Variants in THSD7B observed in about 807,000 individuals in gnomAD.
The protein encoded by THSD7B is thrombospondin type 1 domain containing 7B.
THSD7B carries 138 observed loss-of-function variants against 213.6 expected under a neutral mutation model. The observed-to-expected ratio is 0.65, with a 90% confidence interval of 0.56 to 0.74. The LOEUF is 0.74. Among genes scored for constraint, THSD7B ranks in the 30% least tolerant of loss-of-function variants. The pLI is 0.00. For missense variants in THSD7B, 1,931 were observed against 1,991.5 expected, an observed-to-expected ratio of 0.97 and a Z score of 0.58; for synonymous variants, 742 against 687.0, an observed-to-expected ratio of 1.08 and a Z score of -1.25.
intron 7 of THSD7B, among the ~76,000 whole-genome samples, chr2:137,181,820 A>G (rs11892798): frequency 0.069 from 10,571 of 152,252 alleles, 394 homozygotes; most frequent in African/African-American, 0.094. Context: ...CCCATAAGGC[A>G]TGGTGATATT....
rs1203994239 is a variant in THSD7B, at chr2:136,889,653, G to A, written c.139+7336G>A. 2.6e-5 allele frequency among the ~76,000 whole-genome samples: 4 copies of A among 152,144 alleles called. No individual in the cohort carries two copies. The East Asian group carries it at 5.8e-4, about 22-fold the overall frequency. On this transcript the variant is annotated intron_variant, in intron 2 of 27. Transcript: ENST00000409968. ...CTTGGTTTTCTTTGAACCTACTGCTGCTTTTCCCCAAGGCTCCATCTGATA... is the reference window on the plus strand; with the variant it reads ...CTTGGTTTTCTTTGAACCTACTGCTACTTTTCCCCAAGGCTCCATCTGATA...
intron 14 of THSD7B, among the ~76,000 whole-genome samples, chr2:137,449,097 T>TC (rs1364013859): frequency 7.9e-5 from 12 of 151,668 alleles, no homozygotes; most frequent in Non-Finnish European, 1.8e-4. Flanking sequence ...TGATCTTTTT[T>TC]CCCCCCCTCA....
At chr2:137,228,040 T>C (rs1208139453) in intron 7 of THSD7B, among the ~76,000 whole-genome samples, 1 of 152,172 alleles carries the variant, frequency 6.6e-6, no homozygotes, top group Non-Finnish European at 1.5e-5. Flanking sequence ...TTCAAAAATG[T>C]TAAGTGATGT....
chr2:136,945,374 C>T (rs1365920278), intron 2 of THSD7B, among the ~76,000 whole-genome samples: 2 of 152,212 alleles, frequency 1.3e-5, no homozygotes, highest in East Asian at 1.9e-4. Context: ...TGTAGGTAAC[C>T]CCACCTTTCT....
intron 16 of THSD7B, among the ~76,000 whole-genome samples, chr2:137,572,162 A>G (rs1681367036): frequency 6.6e-6 from 1 of 152,198 alleles, no homozygotes; most frequent in Admixed American, 6.5e-5. Context: ...CTTTAGTCCA[A>G]GGTCAACCAT....
chr2:137,644,612 T>C (rs1440657691), intron 21 of THSD7B, among the ~76,000 whole-genome samples: 6 of 152,246 alleles, frequency 3.9e-5, no homozygotes, highest in Admixed American at 2.6e-4. Flanking sequence ...GGTAACACCA[T>C]ATCTTCTTTA....
rs544118076 is a variant in THSD7B, at chr2:137,128,573, C to T, written c.1369+13280C>T. Among the ~76,000 whole-genome samples the T allele has an allele frequency of 7.9e-4, 120 of 152,198 alleles. 1 individual carries two copies. Among genetic ancestry groups the T allele is most frequent in the African/African-American group, 2.9e-3 (120 of 41,518 alleles). On this transcript the variant is annotated intron_variant, in intron 5 of 27. Coordinates refer to ENST00000409968, the MANE Select transcript of THSD7B (RefSeq NM_001316349.2). ...AAAATTAGGAAAGATTGATATAACC[C>T]AATATTTTTATAGTAAAACGTGCAA...
intron 1 of THSD7B, among the ~76,000 whole-genome samples, chr2:136,872,550 T>C (rs942973604): frequency 8.6e-5 from 13 of 151,966 alleles, no homozygotes; most frequent in African/African-American, 3.1e-4. Context: ...TCTTTTTCTT[T>C]TCTTTTCCTT....
At chr2:136,971,671 C>CACAT (rs1553461531) in intron 2 of THSD7B, among the ~76,000 whole-genome samples, 4 of 148,440 alleles carry the variant, frequency 2.7e-5, no homozygotes, top group South Asian at 2.1e-4. Flanking sequence ...CACACACACA[C>CACAT]GATATGTATA....
intron 12 of THSD7B, among the ~76,000 whole-genome samples, chr2:137,398,765 C>T (rs12618888): frequency 0.084 from 12,851 of 152,192 alleles, 1,158 homozygotes; most frequent in African/African-American, 0.22. Context: ...CCCCCAGCCT[C>T]GCTGCTGCCT....
At chr2:137,169,248 A>G (rs1414118559) in intron 6 of THSD7B, among the ~76,000 whole-genome samples, 2 of 149,076 alleles carry the variant, frequency 1.3e-5, no homozygotes, top group East Asian at 4.0e-4. Context: ...TAAAATACTT[A>G]GTATTTTAGG....
intron 12 of THSD7B, among the ~76,000 whole-genome samples, chr2:137,321,943 G>A (rs1165703365): frequency 5.9e-5 from 9 of 152,178 alleles, no homozygotes; most frequent in Non-Finnish European, 1.3e-4. Context: ...ATTTCTGTTT[G>A]TCATAATGAT....
chr2:137,374,175 A>T (rs968625265), intron 12 of THSD7B, among the ~76,000 whole-genome samples: 1 of 152,070 alleles, frequency 6.6e-6, no homozygotes, highest in Non-Finnish European at 1.5e-5. Flanking sequence ...GGAGAGAGAG[A>T]GAGCTGGGAA....
intron 21 of THSD7B, among the ~76,000 whole-genome samples, chr2:137,648,223 C>T (rs1683073639): frequency 6.6e-6 from 1 of 152,040 alleles, no homozygotes; most frequent in Non-Finnish European, 1.5e-5. Context: ...TTCCTTTATG[C>T]TAGAACAACT....
intron 16 of THSD7B, 89 bp from the exon 17 acceptor site, chr2:137,572,317 T>C (rs1358444763): frequency 1.4e-6 from 2 of 1,436,546 alleles, no homozygotes; most frequent in Non-Finnish European, 1.9e-6. Flanking sequence ...TATTTAACTA[T>C]CGTCAGTTAC....
intron 1 of THSD7B, among the ~76,000 whole-genome samples, chr2:136,863,881 C>G (rs1683292619): frequency 6.6e-6 from 1 of 152,110 alleles, no homozygotes; most frequent in African/African-American, 2.4e-5. Context: ...TAAAAGTTAT[C>G]CAGCAACGAG....
intron 17 of THSD7B, among the ~76,000 whole-genome samples, chr2:137,601,209 A>T (rs1558855785): frequency 6.6e-6 from 1 of 152,194 alleles, no homozygotes. Flanking sequence ...GTGTAACCTA[A>T]GTGTACAATG....
chr2:137,250,551 C>G (rs1232200898), intron 10 of THSD7B, among the ~76,000 whole-genome samples: 2 of 151,986 alleles, frequency 1.3e-5, no homozygotes, highest in African/African-American at 4.8e-5. Flanking sequence ...TAATAAATAC[C>G]AAAACCACAT....
intron 12 of THSD7B, among the ~76,000 whole-genome samples, chr2:137,316,736 C>T (rs56833502): frequency 0.038 from 5,152 of 135,038 alleles, 314 homozygotes; most frequent in African/African-American, 0.14. Flanking sequence ...CCAGCCTGGG[C>T]GACAGAGCGA....
Sources: gnomAD v4.1 joint callset for allele counts (sites outside exome capture counted in the v4.1 genomes callset) on GRCh38, gnomAD v4.1.1 for gene constraint, MANE v1.5 for transcripts, NCBI Gene and HGNC (gene_info 2026-07-23, HGNC 2026-07-21) for gene names.